NEDD9: variants seen among roughly 807,000 people sequenced by gnomAD.
The protein encoded by NEDD9 is neural precursor cell expressed, developmentally down-regulated 9.
Under a neutral mutation model 76.6 loss-of-function variants are expected in NEDD9, and 26 were observed. The observed-to-expected ratio is 0.34, with a 90% CI of 0.25 to 0.47. The LOEUF (loss-of-function observed/expected upper bound fraction) is 0.47. Ranked by LOEUF, NEDD9 falls within the 20% of genes least tolerant of loss-of-function variation. The pLI is 1.00. For synonymous variants in NEDD9, 392 were observed against 414.2 expected, an observed-to-expected ratio of 0.95 and a Z score of 0.65; for missense variants, 937 against 1,058.5, an observed-to-expected ratio of 0.89 and a Z score of 1.59.
At chr6:11,298,103 T>C (rs1480848243) in intron 3 of NEDD9, among the ~76,000 whole-genome samples, 1 of 152,088 alleles carries the variant, frequency 6.6e-6, no homozygotes, top group Admixed American at 6.5e-5. Context: ...AGATGGGGTT[T>C]CACTCTGTTG....
chr6:11,200,461 G>A (rs1758415625), intron 2 of NEDD9: 8 of 947,092 alleles, frequency 8.4e-6, no homozygotes, highest in South Asian at 7.5e-5. Context: ...AAGATAAACA[G>A]GAATTCAGGG....
Position 11,213,531 on chromosome 6 carries a change from G to C in NEDD9, c.209C>G (p.Thr70Ser). The C allele has an allele frequency of 1.2e-6, 2 of 1,614,220 alleles. No individual in the cohort carries two copies. The highest frequency in any genetic ancestry group is 1.7e-6 in the Non-Finnish European group (2 of 1,180,050). ...VKLLIGPMQE[T>S]ASSHEQPASG... ...GGCAGGCTGCTCGTGACTGGAGGCAGTCTCCTGCATGGGACCAATCAGAAG... is the reference window on the plus strand; with the variant it reads ...GGCAGGCTGCTCGTGACTGGAGGCACTCTCCTGCATGGGACCAATCAGAAG... Residue 70 changes from threonine to serine, a missense_variant, in exon 2 of 7, where the codon ACT becomes AGT. Physicochemically the swap from Thr to Ser is moderately conservative, Grantham distance 58 (BLOSUM62 1). Transcript: ENST00000379446. The surrounding 1 kb of genome is among the most constrained non-coding windows in gnomAD (Gnocchi z 5.4).
chr6:11,258,063 A>G (rs1318584167), intron 3 of NEDD9, among the ~76,000 whole-genome samples: 4 of 152,234 alleles, frequency 2.6e-5, no homozygotes, highest in East Asian at 1.9e-4. Context: ...TGTTACAGCC[A>G]TGGAATTGCA....
chr6:11,247,386 C>G (rs1406571924), intron 3 of NEDD9, among the ~76,000 whole-genome samples: 3 of 152,148 alleles, frequency 2.0e-5, no homozygotes, highest in African/African-American at 7.2e-5. Context: ...AACACTTGAC[C>G]TTAGAAGTAG....
At chr6:11,243,295 A>T (rs1759743789) in intron 3 of NEDD9, among the ~76,000 whole-genome samples, 1 of 152,362 alleles carries the variant, frequency 6.6e-6, no homozygotes, top group Non-Finnish European at 1.5e-5. Context: ...AATTACTAGA[A>T]AAAAGAAATG....
At chr6:11,313,767 A>G (rs1432279339) in intron 2 of NEDD9, among the ~76,000 whole-genome samples, 1 of 152,174 alleles carries the variant, frequency 6.6e-6, no homozygotes, top group African/African-American at 2.4e-5. Context: ...AAACAAGCTC[A>G]TTTTTTAGGA....
rs55634199 is a variant in NEDD9 at position 11,259,935 on chromosome 6, A to AACACACACACACACACACACACACAC, written c.12+46056_12+46057insGTGTGTGTGTGTGTGTGTGTGTGTGT. Among the ~76,000 whole-genome samples, 31 of 142,590 alleles carry AACACACACACACACACACACACACAC rather than the reference A, an allele frequency of 2.2e-4. 1 individual carries two copies. The South Asian group carries it at 2.2e-3, about 10-fold the overall frequency. The allele number at this position is 142,590 out of a possible 152,430, so 93.5% of individuals were successfully genotyped here. A position where few individuals can be genotyped will look rare whatever the true frequency, so the allele number is the denominator to read the frequency against. ...TAGTGCAGTGCTTGACTGCGCCCTT[A>AACACACACACACACACACACACACAC]ACACACACACACACACACACACACA... On this transcript the variant is annotated intron_variant, in intron 3 of 3. Coordinates refer to the NEDD9 transcript ENST00000397378.
intron 1 of NEDD9, among the ~76,000 whole-genome samples, chr6:11,343,356 G>A (rs186427261): frequency 4.2e-4 from 64 of 152,102 alleles, no homozygotes; most frequent in Non-Finnish European, 7.9e-4. Context: ...TTGAATCTGG[G>A]AGGCAGAGGT....
intron 3 of NEDD9, among the ~76,000 whole-genome samples, chr6:11,279,518 T>C (rs1219371206): frequency 6.6e-6 from 1 of 152,220 alleles, no homozygotes; most frequent in African/African-American, 2.4e-5. Context: ...TTATTGTTGG[T>C]TGTTCTTTTT....
chr6:11,221,976 A>G (rs927462534), intron 1 of NEDD9, among the ~76,000 whole-genome samples: 1 of 152,198 alleles, frequency 6.6e-6, no homozygotes, highest in African/African-American at 2.4e-5. Context: ...CCAGGTACTC[A>G]GGGAAGAGAA....
intron 1 of NEDD9, among the ~76,000 whole-genome samples, chr6:11,365,191 C>G (rs1163120854): frequency 6.6e-6 from 1 of 152,186 alleles, no homozygotes; most frequent in African/African-American, 2.4e-5. Flanking sequence ...CCCTCCCTAC[C>G]TTTCAAGTGT....
Position 11,252,173 on chromosome 6 carries a change from T to C in NEDD9, c.13-38446A>G, listed in dbSNP as rs1759926882. Among the ~76,000 whole-genome samples, 1 of 152,200 alleles carries C rather than the reference T, an allele frequency of 6.6e-6. No homozygotes were observed. On this transcript the variant is annotated intron_variant, in intron 3 of 3. Transcript: ENST00000397378. The surrounding 1 kb of genome is among the most constrained non-coding windows in gnomAD (Gnocchi z 4.3). ...CAGCCAGATCTTCATTTCATGTCTG[T>C]CCTGGGGCTCTTAGCTATGCCAGCA... is the stretch of plus-strand genomic sequence containing the variant.
At chr6:11,210,545 A>C (rs60276864) in intron 2 of NEDD9, among the ~76,000 whole-genome samples, 1,655 of 152,312 alleles carry the variant, frequency 0.011, 33 homozygotes, top group African/African-American at 0.038. Context: ...CCTGATCCCC[A>C]GTGTGCTGGG....
At chr6:11,374,324 C>G (rs188235486) in intron 1 of NEDD9, among the ~76,000 whole-genome samples, 3 of 152,196 alleles carry the variant, frequency 2.0e-5, no homozygotes, top group African/African-American at 7.2e-5. Context: ...AATGTTTCGA[C>G]GATTATATGA....
At position 11,213,447 on chromosome 6, in the gene NEDD9, T is replaced by C. The variant is rs1338987524; in HGVS notation, c.293A>G (p.Gln98Arg). The stretch of plus-strand genomic sequence containing the variant: ...GTAGATGGTGTCTCGGGGAGCAGCC[T>C]GTGGGTTTGGCACTTGATAGAGCTT... ...QQKLYQVPNP[Q>R]AAPRDTIYQV... The change falls in exon 2 of 7, where the codon CAG (glutamine) becomes CGG (arginine). Residue 98 changes from glutamine (Q) to arginine (R), a missense_variant. Gln to Arg is a conservative substitution (Grantham distance 43, BLOSUM62 1). Coordinates refer to ENST00000379446, the MANE Select transcript of NEDD9 (RefSeq NM_006403.4). The surrounding 1 kb of genome is among the most constrained non-coding windows in gnomAD (Gnocchi z 5.4). 4 of 1,614,108 alleles carry C rather than the reference T, an allele frequency of 2.5e-6. No individual in the cohort carries two copies. The Admixed American group carries it at 6.7e-5, about 27-fold the overall frequency.
chr6:11,350,576 C>T (rs1450046792), intron 1 of NEDD9, among the ~76,000 whole-genome samples: 2 of 152,204 alleles, frequency 1.3e-5, no homozygotes, highest in Non-Finnish European at 2.9e-5. Flanking sequence ...ACTGTGGGAG[C>T]AGAAATACAG....
chr6:11,322,727 C>T (rs777694434), intron 2 of NEDD9, among the ~76,000 whole-genome samples: 2 of 152,202 alleles, frequency 1.3e-5, no homozygotes, highest in African/African-American at 2.4e-5. Flanking sequence ...ACCGGAATGA[C>T]GTGTTTCATC....
At chr6:11,232,462 G>T (rs201278883) in intron 1 of NEDD9, 42 bp downstream of exon 1, 2 of 1,613,136 alleles carry the variant, frequency 1.2e-6, no homozygotes, top group South Asian at 1.1e-5. Context: ...CGCAGGCACA[G>T]CTTTCAGCTT....
At chr6:11,351,598 C>T (rs1252178680) in intron 1 of NEDD9, among the ~76,000 whole-genome samples, 3 of 152,164 alleles carry the variant, frequency 2.0e-5, no homozygotes, top group Non-Finnish European at 4.4e-5. Flanking sequence ...AAAGGAACAT[C>T]CTTTTTCTGA....
Sources: gnomAD v4.1 joint callset for allele counts (sites outside exome capture counted in the v4.1 genomes callset) on GRCh38, gnomAD v4.1.1 for gene constraint, Gnocchi (gnomAD v3.1) non-coding constraint, MANE v1.5 for transcripts, NCBI Gene and HGNC (gene_info 2026-07-23, HGNC 2026-07-21) for gene names.